The following CNTN4 variants were observed in gnomAD, a reference collection of about 807,000 sequenced individuals.
The protein encoded by CNTN4 is contactin 4, also known as contactin-4.
A neutral mutation model predicts 122.5 loss-of-function variants in CNTN4; 77 were observed. That is an observed-to-expected ratio of 0.63 (90% CI 0.52 to 0.76). The LOEUF is 0.76. Ranked by LOEUF, CNTN4 falls within the 30% of genes least tolerant of loss-of-function variation. The pLI is 0.00. For synonymous variants in CNTN4, 512 were observed against 447.0 expected, an observed-to-expected ratio of 1.15 and a Z score of -1.83; for missense variants, 1,256 against 1,259.1, an observed-to-expected ratio of 1.00 and a Z score of 0.04.
At chr3:2,680,459 C>T (rs994574238) in intron 4 of CNTN4, among the ~76,000 whole-genome samples, 2 of 152,190 alleles carry the variant, frequency 1.3e-5, no homozygotes, top group African/African-American at 4.8e-5. Context: ...TTTCTGTACA[C>T]TGTTGGCAGG....
At chr3:2,618,384 C>T (rs550895792) in intron 4 of CNTN4, among the ~76,000 whole-genome samples, 195 of 151,928 alleles carry the variant, frequency 1.3e-3, no homozygotes, top group Non-Finnish European at 1.7e-3. Flanking sequence ...TACATGTTTA[C>T]GTATACACAT....
intron 3 of CNTN4, among the ~76,000 whole-genome samples, chr3:2,375,715 G>T (rs899884710): frequency 6.6e-6 from 1 of 152,106 alleles, no homozygotes; most frequent in Non-Finnish European, 1.5e-5. Flanking sequence ...TCAGTCTTCA[G>T]TCACTATTTT....
At chr3:2,717,408 G>C (rs1016187581) in intron 4 of CNTN4, among the ~76,000 whole-genome samples, 1 of 152,120 alleles carries the variant, frequency 6.6e-6, no homozygotes, top group Non-Finnish European at 1.5e-5. Flanking sequence ...AAGTGCCCTT[G>C]GCTGGCGTTT....
chr3:2,812,527 G>T (rs552463863), intron 6 of CNTN4, among the ~76,000 whole-genome samples: 1 of 152,036 alleles, frequency 6.6e-6, no homozygotes, highest in Admixed American at 6.6e-5. Flanking sequence ...AGCAGAAGAG[G>T]ATATATTTTA....
At chr3:2,302,518 G>T (rs186265770) in intron 2 of CNTN4, among the ~76,000 whole-genome samples, 134 of 152,310 alleles carry the variant, frequency 8.8e-4, no homozygotes, top group African/African-American at 3.1e-3. Context: ...TAATCTTAAC[G>T]TGAGCTAACT....
chr3:2,980,649 A>G (rs1298348260), intron 13 of CNTN4, among the ~76,000 whole-genome samples: 1 of 152,174 alleles, frequency 6.6e-6, no homozygotes, highest in Non-Finnish European at 1.5e-5. Flanking sequence ...AAAATTAAGG[A>G]CACGGGCACA....
At chr3:2,276,357 A>G (rs1022463675) in intron 2 of CNTN4, among the ~76,000 whole-genome samples, 4 of 151,946 alleles carry the variant, frequency 2.6e-5, no homozygotes, top group Admixed American at 6.6e-5. Flanking sequence ...TATTTTTAGC[A>G]GAGAGAGGGT....
chr3:2,274,892 A>T (rs1337596413), intron 2 of CNTN4, among the ~76,000 whole-genome samples: 1 of 83,312 alleles, frequency 1.2e-5, no homozygotes, highest in Non-Finnish European at 3.1e-5. Flanking sequence ...TGGGGATCAT[A>T]TCCTGAGTAC....
intron 7 of CNTN4, among the ~76,000 whole-genome samples, chr3:2,857,800 G>A (rs992293791): frequency 1.3e-5 from 2 of 152,136 alleles, no homozygotes; most frequent in Non-Finnish European, 2.9e-5. Flanking sequence ...GCCCATGCTA[G>A]TCTGGGCCAT....
chr3:3,038,211 C>T (rs1699791250), intron 18 of CNTN4, among the ~76,000 whole-genome samples: 1 of 152,146 alleles, frequency 6.6e-6, no homozygotes, highest in Admixed American at 6.5e-5. Flanking sequence ...TAGCTAGTCC[C>T]CTGCTTTCTT....
intron 4 of CNTN4, among the ~76,000 whole-genome samples, chr3:2,712,945 C>T (rs2087242320): frequency 6.6e-6 from 1 of 152,216 alleles, no homozygotes; most frequent in African/African-American, 2.4e-5. Context: ...GCCCCTTCCC[C>T]AATACCTCGC....
At chr3:2,747,236 C>T (rs2089823984) in intron 6 of CNTN4, among the ~76,000 whole-genome samples, 1 of 151,790 alleles carries the variant, frequency 6.6e-6, no homozygotes, top group Non-Finnish European at 1.5e-5. Flanking sequence ...GATGAAACCG[C>T]GTCTCTACTA....
At chr3:2,131,841 G>A (rs1384134681) in intron 2 of CNTN4, among the ~76,000 whole-genome samples, 1 of 152,154 alleles carries the variant, frequency 6.6e-6, no homozygotes, top group Non-Finnish European at 1.5e-5. Context: ...TTGGATCTCA[G>A]ATCTAGAATC....
At chr3:2,765,785 T>A (rs2090831515) in intron 6 of CNTN4, among the ~76,000 whole-genome samples, 1 of 152,156 alleles carries the variant, frequency 6.6e-6, no homozygotes, top group South Asian at 2.1e-4. Context: ...ATTCAAGAAA[T>A]CTTCATATGC....
At chr3:2,119,751 G>A (rs559590549) in intron 2 of CNTN4, among the ~76,000 whole-genome samples, 1 of 151,766 alleles carries the variant, frequency 6.6e-6, no homozygotes, top group South Asian at 2.1e-4. Flanking sequence ...GTGCTACTAA[G>A]CCGTAGGACC....
chr3:2,655,014 T>A (rs2083522340), intron 4 of CNTN4, among the ~76,000 whole-genome samples: 1 of 152,190 alleles, frequency 6.6e-6, no homozygotes, highest in African/African-American at 2.4e-5. Context: ...TTTTAAAAAA[T>A]TTATTCCCCA....
chr3:2,153,359 A>T (rs2035576546), intron 2 of CNTN4, among the ~76,000 whole-genome samples: 1 of 152,206 alleles, frequency 6.6e-6, no homozygotes, highest in African/African-American at 2.4e-5. Context: ...AATGAAATGG[A>T]TGAAAACAAT....
rs942177168 is a variant in CNTN4, at chr3:2,117,130, C to T, written c.-145+16491C>T. Reference sequence around the variant, plus strand: ...AGACTGTCCCCTACTCCCAATGCCACAGGCAAGCCTCTGGTTGCCTGTTTT... The same window carrying T: ...AGACTGTCCCCTACTCCCAATGCCATAGGCAAGCCTCTGGTTGCCTGTTTT... On this transcript the variant is annotated intron_variant, in intron 2 of 24. Transcript: ENST00000418658. Among the ~76,000 whole-genome samples, 3 of 152,312 alleles carry T rather than the reference C, an allele frequency of 2.0e-5. No homozygotes were observed. In the South Asian group the frequency reaches 6.2e-4, roughly 32 times the overall value.
rs560986275 is a variant in CNTN4 at position 2,920,942 on chromosome 3, C to T, written c.1208-4687C>T. On this transcript the variant is annotated intron_variant, in intron 12 of 24. Coordinates refer to ENST00000418658, the MANE Select transcript of CNTN4 (RefSeq NM_175607.3). ...AATAGAAGGATGGATATTAGGAACA[C>T]TAGAAGGGGCACATCATGCTAACAT... is the stretch of plus-strand genomic sequence containing the variant. Among the ~76,000 whole-genome samples the T allele has an allele frequency of 2.0e-5, 3 of 152,252 alleles. No homozygotes were observed. The East Asian group carries it at 5.8e-4, about 29-fold the overall frequency.
Sources: allele counts gnomAD v4.1 joint callset (sites outside exome capture counted in the v4.1 genomes callset), GRCh38; gene constraint gnomAD v4.1.1; transcripts MANE v1.5; gene names NCBI Gene and HGNC (gene_info 2026-07-23, HGNC 2026-07-21).